CCND3: variants seen among roughly 807,000 people sequenced by gnomAD.
CCND3 encodes G1/S-specific cyclin-D3.
A neutral mutation model predicts 28.7 loss-of-function variants in CCND3; 9 were observed. The observed-to-expected ratio is 0.31, with a 90% CI of 0.19 to 0.55. The LOEUF (loss-of-function observed/expected upper bound fraction) is 0.55. Ranked by LOEUF, CCND3 falls within the 20% of genes least tolerant of loss-of-function variation. The probability of loss-of-function intolerance (pLI) is 0.93; values close to 1 mark genes in which losing one functional copy is unlikely to be tolerated. For synonymous variants in CCND3, 164 were observed against 163.9 expected, an observed-to-expected ratio of 1.00 and a Z score of 0.00; for missense variants, 315 against 385.8, an observed-to-expected ratio of 0.82 and a Z score of 1.54.
At chr6:41,940,673 G>C in intron 1 of CCND3, 88 bp from the exon 2 acceptor site, 1 of 963,364 alleles carries the variant, frequency 1.0e-6, no homozygotes, top group Non-Finnish European at 1.7e-6. Context: ...AGGTGGGATA[G>C]GGAGCAAAAA....
intron 1 of CCND3, among the ~76,000 whole-genome samples, chr6:42,035,458 C>G (rs543766064): frequency 3.9e-5 from 6 of 152,012 alleles, no homozygotes; most frequent in African/African-American, 1.4e-4. Context: ...AGCTCTGCCT[C>G]CTGGGTTCAC....
chr6:42,033,487 C>T (rs1270054761), intron 1 of CCND3, among the ~76,000 whole-genome samples: 1 of 9,764 alleles, frequency 1.0e-4, no homozygotes, highest in Non-Finnish European at 3.5e-4. Flanking sequence ...TATATGCACA[C>T]ATACACACAC....
intron 1 of CCND3, among the ~76,000 whole-genome samples, chr6:42,040,695 T>C (rs1179573863): frequency 6.6e-6 from 1 of 151,188 alleles, no homozygotes; most frequent in Non-Finnish European, 1.5e-5. Flanking sequence ...CTACTGAAAA[T>C]ACAAAATTTA....
chr6:41,971,513 T>C (rs1762031125), intron 1 of CCND3, among the ~76,000 whole-genome samples: 1 of 151,906 alleles, frequency 6.6e-6, no homozygotes. Flanking sequence ...CTTACCTGGA[T>C]ATGAATCCAG....
At chr6:42,033,715 T>G (rs1037176008) in intron 1 of CCND3, among the ~76,000 whole-genome samples, 1 of 150,884 alleles carries the variant, frequency 6.6e-6, no homozygotes, top group Non-Finnish European at 1.5e-5. Flanking sequence ...CTGGGCATGG[T>G]GGTGCATACT....
At chr6:41,963,563 C>T (rs1761777284) in intron 1 of CCND3, among the ~76,000 whole-genome samples, 3 of 152,166 alleles carry the variant, frequency 2.0e-5, no homozygotes, top group Non-Finnish European at 2.9e-5. Context: ...AGCTGGATAC[C>T]AAGGCAGGCA....
At chr6:42,031,126 A>T (rs2127436621) in intron 1 of CCND3, 1 of 152,250 alleles carries the variant, frequency 6.6e-6, no homozygotes, top group Admixed American at 6.5e-5. Flanking sequence ...TCTATGGGAG[A>T]CTTCCTGCTC....
intron 1 of CCND3, among the ~76,000 whole-genome samples, chr6:41,963,591 T>C (rs74948527): frequency 1.3e-5 from 2 of 152,320 alleles, no homozygotes; most frequent in East Asian, 3.9e-4. Context: ...ATGCTGTCCT[T>C]GACACAGGAG....
At chr6:42,004,956 A>G (rs1763134939) in intron 1 of CCND3, among the ~76,000 whole-genome samples, 1 of 152,226 alleles carries the variant, frequency 6.6e-6, no homozygotes, top group African/African-American at 2.4e-5. Context: ...AATGTTTTAC[A>G]GGAATATTCT....
intron 1 of CCND3, among the ~76,000 whole-genome samples, chr6:41,956,205 T>C (rs1776432049): frequency 6.6e-6 from 1 of 151,970 alleles, no homozygotes; most frequent in Admixed American, 6.6e-5. Context: ...GGCAGGAGAA[T>C]CACTTGAACC....
upstream of CCND3, among the ~76,000 whole-genome samples, chr6:41,942,042 CG>C (rs1441372778): frequency 3.3e-5 from 5 of 152,192 alleles, no homozygotes; most frequent in African/African-American, 4.8e-5. Flanking sequence ...TACCCACCCA[CG>C]GGCCCTCCCA....
At chr6:41,944,316 G>A (rs1489687078), upstream of CCND3, among the ~76,000 whole-genome samples, 1 of 151,704 alleles carries the variant, frequency 6.6e-6, no homozygotes, top group Non-Finnish European at 1.5e-5. Flanking sequence ...TTAACATTTT[G>A]TTATCATACA....
intron 1 of CCND3, among the ~76,000 whole-genome samples, chr6:41,972,049 C>G (rs1245267264): frequency 3.3e-5 from 5 of 149,354 alleles, no homozygotes; most frequent in Non-Finnish European, 5.9e-5. Context: ...CATGGTGAAA[C>G]CCCGTCTCTA....
upstream of CCND3, chr6:41,941,845 G>A: frequency 3.7e-6 from 1 of 270,636 alleles, no homozygotes; most frequent in Non-Finnish European, 6.8e-6. The surrounding 1 kb of genome is among the most constrained non-coding windows in gnomAD (Gnocchi z 6.1). Flanking sequence ...AGCAACCGTG[G>A]AATGCTCGGA....
At chr6:42,002,471 G>C (rs1434105323) in intron 1 of CCND3, among the ~76,000 whole-genome samples, 3 of 150,788 alleles carry the variant, frequency 2.0e-5, no homozygotes. Flanking sequence ...TTTATTTTAT[G>C]ATATGTACAT....
At chr6:42,002,688 T>C (rs1366522032) in intron 1 of CCND3, among the ~76,000 whole-genome samples, 1 of 150,980 alleles carries the variant, frequency 6.6e-6, no homozygotes, top group Non-Finnish European at 1.5e-5. Flanking sequence ...CCATGTCTAC[T>C]AAAAAAATAC....
intron 1 of CCND3, among the ~76,000 whole-genome samples, chr6:42,019,290 C>G (rs890097551): frequency 2.0e-5 from 3 of 151,996 alleles, no homozygotes; most frequent in Non-Finnish European, 2.9e-5. Flanking sequence ...GAGTTCGAGA[C>G]CAGCCTGACC....
At chr6:42,021,299 C>T (rs182435836) in intron 1 of CCND3, among the ~76,000 whole-genome samples, 1 of 152,306 alleles carries the variant, frequency 6.6e-6, no homozygotes, top group East Asian at 1.9e-4. Context: ...TTCCAGGCAT[C>T]CACTAGGGAT....
At chr6:42,005,496 G>A (rs1483374535) in intron 1 of CCND3, among the ~76,000 whole-genome samples, 2 of 136,776 alleles carry the variant, frequency 1.5e-5, no homozygotes, top group Non-Finnish European at 1.5e-5. Flanking sequence ...AGCTGAGATC[G>A]TGCCACTGCC....
Sources: allele counts gnomAD v4.1 joint callset (sites outside exome capture counted in the v4.1 genomes callset), GRCh38; gene constraint gnomAD v4.1.1; non-coding constraint Gnocchi (gnomAD v3.1); transcripts MANE v1.5; gene names NCBI Gene and HGNC (gene_info 2026-07-23, HGNC 2026-07-21).